RBMS3: variants seen among roughly 807,000 people sequenced by gnomAD.
RBMS3 encodes RNA binding motif single stranded interacting protein 3.
A neutral mutation model predicts 66.8 loss-of-function variants in RBMS3; 27 were observed. The ratio of observed to expected loss-of-function variants is 0.40; its 90% CI spans 0.30 to 0.56. The LOEUF (loss-of-function observed/expected upper bound fraction) is 0.56, where lower values mean the gene tolerates loss of function less well. Among genes scored for constraint, RBMS3 ranks in the 20% least tolerant of loss-of-function variants. RBMS3 has a pLI of 0.40. For synonymous variants in RBMS3, 188 were observed against 183.0 expected (o/e 1.03, Z -0.22); for missense variants, 513 against 549.5 (o/e 0.93, Z 0.66).
At chr3:29,733,969 T>C (rs2054252064) in intron 4 of RBMS3, among the ~76,000 whole-genome samples, 1 of 152,096 alleles carries the variant, frequency 6.6e-6, no homozygotes, top group South Asian at 2.1e-4. Context: ...TTATTCTGTA[T>C]GTGGATATCC....
intron 6 of RBMS3, among the ~76,000 whole-genome samples, chr3:29,816,142 CAT>C (rs1241148248): frequency 1.3e-5 from 2 of 152,076 alleles, no homozygotes; most frequent in Non-Finnish European, 2.9e-5. Flanking sequence ...ACCTTTCTGA[CAT>C]ATGGTTTGAC....
intron 1 of RBMS3, among the ~76,000 whole-genome samples, chr3:29,427,062 G>A (rs1212820167): frequency 2.6e-5 from 4 of 152,226 alleles, no homozygotes; most frequent in Non-Finnish European, 4.4e-5. Flanking sequence ...GTTGACAGCA[G>A]CTATTACCTA....
At chr3:29,553,656 A>G (rs941020478) in intron 3 of RBMS3, among the ~76,000 whole-genome samples, 1 of 152,162 alleles carries the variant, frequency 6.6e-6, no homozygotes, top group East Asian at 1.9e-4. Context: ...CAGGGCACCT[A>G]GTGATGCACC....
intron 14 of RBMS3, among the ~76,000 whole-genome samples, chr3:29,993,572 CCAAT>C (rs551349489): frequency 1.3e-5 from 2 of 152,326 alleles, no homozygotes; most frequent in African/African-American, 4.8e-5. Flanking sequence ...AGGCTTCCAT[CCAAT>C]CAGTTAGTTG....
At chr3:29,649,287 C>A (rs983315480) in intron 4 of RBMS3, among the ~76,000 whole-genome samples, 1 of 152,088 alleles carries the variant, frequency 6.6e-6, no homozygotes, top group African/African-American at 2.4e-5. Flanking sequence ...CTTAAGAATC[C>A]ATGGAATCTT....
intron 11 of RBMS3, among the ~76,000 whole-genome samples, chr3:29,943,903 G>A (rs1559824714): frequency 6.6e-6 from 1 of 151,692 alleles, no homozygotes; most frequent in Non-Finnish European, 1.5e-5. Context: ...GCCAGAGAGG[G>A]CAAAAATTTT....
chr3:29,546,108 T>TGTGTG (rs2045937981), intron 3 of RBMS3, among the ~76,000 whole-genome samples: 3 of 146,046 alleles, frequency 2.1e-5, no homozygotes, highest in South Asian at 4.5e-4. Flanking sequence ...TGAGACGGGT[T>TGTGTG]TGTGTGTGTG....
intron 5 of RBMS3, among the ~76,000 whole-genome samples, chr3:29,740,996 G>A (rs954122798): frequency 6.7e-5 from 10 of 149,734 alleles, no homozygotes; most frequent in South Asian, 2.1e-4. Flanking sequence ...AGCCGAGATC[G>A]CGCCACTATA....
intron 1 of RBMS3, among the ~76,000 whole-genome samples, chr3:29,315,803 G>A (rs912126353): frequency 1.3e-5 from 2 of 151,638 alleles, no homozygotes; most frequent in Admixed American, 6.6e-5. Flanking sequence ...TTGTAGAGTC[G>A]AAAGGACACT....
chr3:29,473,899 G>T (rs1467118017), intron 2 of RBMS3, among the ~76,000 whole-genome samples: 11 of 152,250 alleles, frequency 7.2e-5, no homozygotes, highest in Admixed American at 7.2e-4. Flanking sequence ...ATACCTCTCT[G>T]CAAGCTGAGG....
At chr3:29,984,479 AAGG>A (rs1395736782) in intron 12 of RBMS3, among the ~76,000 whole-genome samples, 1 of 151,794 alleles carries the variant, frequency 6.6e-6, no homozygotes, top group South Asian at 2.1e-4. Context: ...TGATCCTTTC[AAGG>A]AGAAGAGGCA....
chr3:29,591,242 C>T (rs909995703), intron 4 of RBMS3, among the ~76,000 whole-genome samples: 1 of 152,158 alleles, frequency 6.6e-6, no homozygotes, highest in Admixed American at 6.6e-5. Context: ...CCAAAAAGAA[C>T]CCACCTCAAA....
intron 1 of RBMS3, among the ~76,000 whole-genome samples, chr3:29,408,649 AT>A (rs2040132604): frequency 6.6e-6 from 1 of 152,060 alleles, no homozygotes; most frequent in South Asian, 2.1e-4. Context: ...TTATATATAT[AT>A]TTTCTTTCTA....
intron 14 of RBMS3, among the ~76,000 whole-genome samples, chr3:29,999,143 C>A (rs923470721): frequency 2.6e-5 from 4 of 152,168 alleles, no homozygotes; most frequent in Non-Finnish European, 1.5e-5. Flanking sequence ...ATTTATGCAG[C>A]CACAAGACAC....
chr3:29,913,270 T>G (rs758874286), intron 10 of RBMS3, among the ~76,000 whole-genome samples: 3 of 152,014 alleles, frequency 2.0e-5, no homozygotes, highest in East Asian at 1.9e-4. Flanking sequence ...CAAACCATTC[T>G]ATCTTACAAT....
chr3:29,796,620 T>G (rs1430780004), intron 6 of RBMS3, among the ~76,000 whole-genome samples: 1 of 152,060 alleles, frequency 6.6e-6, no homozygotes, highest in Non-Finnish European at 1.5e-5. Flanking sequence ...TTAGCAGGCC[T>G]GAAAACAACA....
chr3:29,356,091 G>C (rs987861434), intron 1 of RBMS3, among the ~76,000 whole-genome samples: 79 of 152,186 alleles, frequency 5.2e-4, no homozygotes, highest in Non-Finnish European at 1.3e-4. Context: ...TAAGGACCAC[G>C]AGTTAACTAC....
intron 3 of RBMS3, among the ~76,000 whole-genome samples, chr3:29,535,544 G>A (rs1391823195): frequency 6.6e-6 from 1 of 151,836 alleles, no homozygotes; most frequent in African/African-American, 2.4e-5. Context: ...GGAGATTCAG[G>A]ATAATGGAGT....
At chr3:29,409,959 T>C (rs1575738546) in intron 1 of RBMS3, among the ~76,000 whole-genome samples, 1 of 152,320 alleles carries the variant, frequency 6.6e-6, no homozygotes. Context: ...TAGAATTTGA[T>C]GAGCCCTGGG....
Sources: gnomAD v4.1 joint callset for allele counts (sites outside exome capture counted in the v4.1 genomes callset) on GRCh38, gnomAD v4.1.1 for gene constraint, MANE v1.5 for transcripts, NCBI Gene and HGNC (gene_info 2026-07-23, HGNC 2026-07-21) for gene names.